Variants in DMRT1 observed in about 807,000 individuals in gnomAD.
The protein encoded by DMRT1 is doublesex- and mab-3-related transcription factor 1.
DMRT1 carries 7 observed loss-of-function variants against 32.3 expected under a neutral mutation model. The ratio of observed to expected loss-of-function variants is 0.22; its 90% CI spans 0.12 to 0.41. DMRT1 has a LOEUF of 0.41. DMRT1 is among the 10% of genes least tolerant of loss of function. The pLI, the probability that DMRT1 is intolerant of heterozygous loss-of-function variation, is 1.00. For missense variants in DMRT1, 625 were observed against 500.5 expected (o/e 1.25, Z -2.37); for synonymous variants, 278 against 206.1 (o/e 1.35, Z -2.99).
Position 856,860 on chromosome 9 carries a change from A to G in DMRT1, c.538+9717A>G, listed in dbSNP as rs1003632523. ...TATTTTACATTCCTACCGACAGTCT[A>G]TGAGGGTTCCAGAAAATTGAAACTA... is the stretch of plus-strand genomic sequence containing the variant. On this transcript the variant is annotated intron_variant, in intron 2 of 4. Coordinates refer to ENST00000382276, the MANE Select transcript of DMRT1 (RefSeq NM_021951.3). Among the ~76,000 whole-genome samples, 4 of 152,212 alleles carry G rather than the reference A, an allele frequency of 2.6e-5. No individual in the cohort carries two copies. The South Asian group carries it at 8.3e-4, about 32-fold the overall frequency.
At chr9:844,044 A>G (rs1838801657) in intron 1 of DMRT1, among the ~76,000 whole-genome samples, 1 of 152,226 alleles carries the variant, frequency 6.6e-6, no homozygotes, top group Admixed American at 6.5e-5. Context: ...CTAAACATTT[A>G]GTCGTTGGCT....
chr9:894,391 G>C (rs981414865), intron 3 of DMRT1, 196 bp downstream of exon 3: 1 of 640,026 alleles, frequency 1.6e-6, no homozygotes, highest in African/African-American at 1.8e-5. Flanking sequence ...AATGTGTAAG[G>C]AATTTTTTAC....
chr9:922,041 C>T (rs1247325662), intron 4 of DMRT1, among the ~76,000 whole-genome samples: 1 of 104,640 alleles, frequency 9.6e-6, no homozygotes, highest in African/African-American at 2.7e-5. Flanking sequence ...CCACAACGCC[C>T]AGCTAATTTT....
intron 2 of DMRT1, among the ~76,000 whole-genome samples, chr9:872,588 T>C (rs545393375): frequency 6.6e-6 from 1 of 152,360 alleles, no homozygotes; most frequent in South Asian, 2.1e-4. Context: ...GTGGGATTAT[T>C]TGTGTCTGAC....
chr9:960,314 A>G (rs1158790664), intron 4 of DMRT1, among the ~76,000 whole-genome samples: 1 of 152,244 alleles, frequency 6.6e-6, no homozygotes, highest in Non-Finnish European at 1.5e-5. Flanking sequence ...AACTTGTCCA[A>G]GAACATTCAG....
Position 895,897 on chromosome 9 carries a change from C to T in DMRT1, c.822+1702C>T, listed in dbSNP as rs1036614056. Among the ~76,000 whole-genome samples, 11 of 151,280 alleles carry T rather than the reference C, an allele frequency of 7.3e-5. No homozygotes were observed. In the East Asian group the frequency reaches 1.4e-3, roughly 19 times the overall value. ...TCGGCTCACTGCAACCTCTGCCTCC[C>T]GGGTTCAAGCCATTCTCCTGCCTCA... On this transcript the variant is annotated intron_variant, in intron 3 of 4. Transcript: ENST00000382276.
intron 2 of DMRT1, among the ~76,000 whole-genome samples, chr9:882,932 C>A (rs543278513): frequency 2.6e-5 from 4 of 151,530 alleles, no homozygotes; most frequent in Non-Finnish European, 5.9e-5. Flanking sequence ...CCACCATGCC[C>A]GGCTAATTTT....
chr9:853,722 C>A (rs1815264958), intron 2 of DMRT1, among the ~76,000 whole-genome samples: 3 of 151,948 alleles, frequency 2.0e-5, no homozygotes, highest in Admixed American at 1.3e-4. Context: ...CCAGGTTGGT[C>A]TTGAACTCCT....
chr9:862,347 G>A (rs1280755397), intron 2 of DMRT1, among the ~76,000 whole-genome samples: 1 of 152,106 alleles, frequency 6.6e-6, no homozygotes, highest in Non-Finnish European at 1.5e-5. Context: ...CGAAAAATAG[G>A]AAAACCAGTC....
chr9:954,029 G>A, intron 4 of DMRT1, among the ~76,000 whole-genome samples: 1 of 152,144 alleles, frequency 6.6e-6, no homozygotes, highest in East Asian at 1.9e-4. Flanking sequence ...TTTGAGTTGA[G>A]TGTTAAGCTG....
At chr9:856,322 T>G (rs939822538) in intron 2 of DMRT1, among the ~76,000 whole-genome samples, 1 of 152,182 alleles carries the variant, frequency 6.6e-6, no homozygotes, top group Non-Finnish European at 1.5e-5. Flanking sequence ...AATTCAGTGT[T>G]TTTTAGTAAA....
intron 2 of DMRT1, among the ~76,000 whole-genome samples, chr9:886,240 A>C (rs527700217): frequency 2.2e-4 from 34 of 152,178 alleles, no homozygotes; most frequent in Non-Finnish European, 4.3e-4. Flanking sequence ...TCATGGAGCC[A>C]ACTGTGTTTT....
chr9:934,906 T>C (rs1357835794), intron 4 of DMRT1, among the ~76,000 whole-genome samples: 2 of 152,194 alleles, frequency 1.3e-5, no homozygotes, highest in African/African-American at 4.8e-5. Context: ...TCGGCAGTTG[T>C]TGATACACCT....
intron 4 of DMRT1, among the ~76,000 whole-genome samples, chr9:949,491 G>A (rs1032565159): frequency 6.6e-6 from 1 of 152,226 alleles, no homozygotes. Context: ...CCCGTGACAC[G>A]ATCACCACAA....
At position 876,890 on chromosome 9, in the gene DMRT1, C is replaced by T. The variant is rs142307620; in HGVS notation, c.539-17022C>T. Among the ~76,000 whole-genome samples, 1,274 of 141,434 alleles carry T rather than the reference C, an allele frequency of 9.0e-3. 12 individuals are homozygous for T. The highest frequency in any genetic ancestry group is 0.015 in the Non-Finnish European group (970 of 66,872). 92.8% of individuals were successfully genotyped at this position (141,434 alleles called of 152,430 possible). ...ACGGCTCCCTTTTCCCCTTCTGACA[C>T]GGCATGGTAGACAAGTGTGAGGTCT... On this transcript the variant is annotated intron_variant, in intron 2 of 4. Coordinates refer to ENST00000382276, the MANE Select transcript of DMRT1 (RefSeq NM_021951.3).
intron 2 of DMRT1, among the ~76,000 whole-genome samples, chr9:849,926 C>T (rs995569597): frequency 3.3e-5 from 5 of 152,086 alleles, no homozygotes; most frequent in Non-Finnish European, 5.9e-5. Context: ...CAGGTTCAAG[C>T]GATACTCCTG....
At chr9:935,100 T>C (rs1442146583) in intron 4 of DMRT1, among the ~76,000 whole-genome samples, 1 of 152,232 alleles carries the variant, frequency 6.6e-6, no homozygotes, top group Non-Finnish European at 1.5e-5. Flanking sequence ...CTGTGGGTGA[T>C]TTTCAATTTT....
chr9:873,844 A>G (rs1816381007), intron 2 of DMRT1, among the ~76,000 whole-genome samples: 1 of 152,228 alleles, frequency 6.6e-6, no homozygotes, highest in African/African-American at 2.4e-5. Context: ...GACAATGCAT[A>G]GATTTGGAAG....
chr9:956,890 A>C (rs368769543), intron 4 of DMRT1, among the ~76,000 whole-genome samples: 1 of 152,184 alleles, frequency 6.6e-6, no homozygotes, highest in Non-Finnish European at 1.5e-5. Context: ...AAAGTCTACA[A>C]TTAAGTTTGG....
Sources: gnomAD v4.1 joint callset for allele counts (sites outside exome capture counted in the v4.1 genomes callset) on GRCh38, gnomAD v4.1.1 for gene constraint, MANE v1.5 for transcripts, NCBI Gene and HGNC (gene_info 2026-07-23, HGNC 2026-07-21) for gene names.